The following LRRC4C variants were observed in gnomAD, a reference collection of about 807,000 sequenced individuals.
The protein encoded by LRRC4C is leucine-rich repeat-containing protein 4C.
In LRRC4C, 5 loss-of-function variants were observed where a neutral mutation model predicts 33.6. The observed-to-expected ratio is 0.15, with a 90% confidence interval of 0.08 to 0.31. LRRC4C has a LOEUF of 0.31. LRRC4C is among the 10% of genes least tolerant of loss of function. The pLI is 1.00. For missense variants in LRRC4C, 560 were observed against 796.7 expected (o/e 0.70, Z 3.58); for synonymous variants, 329 against 302.0 (o/e 1.09, Z -0.93).
At chr11:40,414,961 C>T (rs1348000) in intron 3 of LRRC4C, among the ~76,000 whole-genome samples, 55,255 of 151,942 alleles carry the variant, frequency 0.36, 10,662 homozygotes, top group South Asian at 0.47. Flanking sequence ...TCTAATTATA[C>T]ACATAAATAT....
chr11:40,451,112 A>C (rs1478564280), intron 3 of LRRC4C, among the ~76,000 whole-genome samples: 1 of 151,812 alleles, frequency 6.6e-6, no homozygotes, highest in African/African-American at 2.4e-5. Flanking sequence ...ACAATGAAAA[A>C]AAACCTAGAA....
At chr11:40,813,902 A>G (rs1237914250) in intron 2 of LRRC4C, among the ~76,000 whole-genome samples, 1 of 152,270 alleles carries the variant, frequency 6.6e-6, no homozygotes, top group African/African-American at 2.4e-5. Flanking sequence ...TCCATATCTC[A>G]TATCCAGGGC....
At chr11:40,524,954 G>A (rs1955977598) in intron 3 of LRRC4C, among the ~76,000 whole-genome samples, 1 of 152,154 alleles carries the variant, frequency 6.6e-6, no homozygotes, top group Admixed American at 6.5e-5. Context: ...TAAGTAGGTA[G>A]ATCAAGGAAG....
At chr11:40,477,241 G>A (rs1953283599) in intron 3 of LRRC4C, among the ~76,000 whole-genome samples, 1 of 152,086 alleles carries the variant, frequency 6.6e-6, no homozygotes, top group South Asian at 2.1e-4. Context: ...CCTTTTAAAT[G>A]GAAAGGAAGA....
chr11:40,645,825 G>A (rs1942418674), intron 3 of LRRC4C, among the ~76,000 whole-genome samples: 1 of 152,154 alleles, frequency 6.6e-6, no homozygotes, highest in South Asian at 2.1e-4. Context: ...CTCCTTAAAG[G>A]AAAGGTTCTT....
intron 1 of LRRC4C, among the ~76,000 whole-genome samples, chr11:41,016,433 A>G (rs1343482716): frequency 6.6e-6 from 1 of 152,228 alleles, no homozygotes; most frequent in Non-Finnish European, 1.5e-5. Context: ...AAGGAAGAGT[A>G]AAACAGATAA....
rs930414215 is a variant in LRRC4C at position 40,308,927 on chromosome 11, C to A, written c.-176+10701G>T. Among the ~76,000 whole-genome samples, 5 of 152,318 alleles carry A rather than the reference C, an allele frequency of 3.3e-5. No individual in the cohort carries two copies. In the East Asian group the frequency reaches 9.6e-4, roughly 29 times the overall value. On this transcript the variant is annotated intron_variant, in intron 4 of 6. Transcript: ENST00000528697. ...CATGCATATGAATCATCAGAATGGG[C>A]TGCACCATCCATATTTCTACCAACA...
At chr11:40,678,911 G>A (rs1944542450) in intron 2 of LRRC4C, among the ~76,000 whole-genome samples, 1 of 152,112 alleles carries the variant, frequency 6.6e-6, no homozygotes, top group Non-Finnish European at 1.5e-5. Context: ...AAGCAACTTT[G>A]GAACTGGGTA....
Position 40,551,064 on chromosome 11 carries a change from T to C in LRRC4C, c.-270+97078A>G, listed in dbSNP as rs989065167. Among the ~76,000 whole-genome samples the C allele has an allele frequency of 3.9e-5, 6 of 152,182 alleles. 1 individual carries two copies. Among genetic ancestry groups the C allele is most frequent in the African/African-American group, 1.4e-4 (6 of 41,542 alleles). On this transcript the variant is annotated intron_variant, in intron 3 of 6. Coordinates refer to ENST00000528697, the MANE Select transcript of LRRC4C (RefSeq NM_001258419.2). The stretch of plus-strand genomic sequence containing the variant: ...ATCCTAACACCTCTTCCCAGTCAGG[T>C]TTTCTTCCCCTTCAATCTATCTCAG...
At chr11:40,873,873 T>C (rs1954762770) in intron 2 of LRRC4C, among the ~76,000 whole-genome samples, 1 of 152,196 alleles carries the variant, frequency 6.6e-6, no homozygotes, top group African/African-American at 2.4e-5. Flanking sequence ...ATGTTTCTTA[T>C]GGTAAAAATC....
chr11:40,550,397 G>T (rs1166888069), intron 3 of LRRC4C, among the ~76,000 whole-genome samples: 1 of 152,046 alleles, frequency 6.6e-6, no homozygotes, highest in Non-Finnish European at 1.5e-5. Context: ...TGTAACTAAA[G>T]ATCATATTTC....
chr11:40,324,496 G>C lies in LRRC4C; in HGVS notation c.-269-4775C>G, dbSNP rs1282597480. On this transcript the variant is annotated intron_variant, in intron 3 of 6. Transcript: ENST00000528697. ...AAATGAAATGGGCAATGAAAGATTG[G>C]AATTAGCAGTGCTGTATCTGAGTTC... 2.6e-5 allele frequency among the ~76,000 whole-genome samples: 4 copies of C among 152,132 alleles called. No individual in the cohort carries two copies. In the East Asian group the frequency reaches 7.7e-4, roughly 29 times the overall value.
At chr11:41,286,520 A>C (rs1949832877) in intron 1 of LRRC4C, among the ~76,000 whole-genome samples, 1 of 152,220 alleles carries the variant, frequency 6.6e-6, no homozygotes. Flanking sequence ...TTCATCTTCC[A>C]GTGAGAGCTC....
At chr11:40,221,940 C>A (rs144746454) in intron 5 of LRRC4C, among the ~76,000 whole-genome samples, 1 of 152,218 alleles carries the variant, frequency 6.6e-6, no homozygotes, top group South Asian at 2.1e-4. Context: ...TCGTCGATGC[C>A]CTCGGCTGAA....
chr11:40,605,147 T>C (rs934411357), intron 3 of LRRC4C, among the ~76,000 whole-genome samples: 1 of 152,136 alleles, frequency 6.6e-6, no homozygotes, highest in Non-Finnish European at 1.5e-5. Flanking sequence ...GAGATTTAGA[T>C]ATAAGCAGGC....
intron 4 of LRRC4C, among the ~76,000 whole-genome samples, chr11:40,288,565 G>C (rs968313489): frequency 3.3e-5 from 5 of 152,296 alleles, no homozygotes; most frequent in African/African-American, 1.2e-4. Context: ...TGCTGCTGTA[G>C]AGAATGAAAT....
At chr11:41,000,214 T>A (rs986673547) in intron 1 of LRRC4C, among the ~76,000 whole-genome samples, 1 of 152,158 alleles carries the variant, frequency 6.6e-6, no homozygotes, top group Non-Finnish European at 1.5e-5. Context: ...GGGGCTTGAG[T>A]TCCAGGAATA....
chr11:40,937,846 C>G (rs1015510914), intron 1 of LRRC4C, among the ~76,000 whole-genome samples: 3 of 151,932 alleles, frequency 2.0e-5, no homozygotes, highest in Non-Finnish European at 4.4e-5. Context: ...TTTGTAGAGA[C>G]AGGGTCTCCC....
intron 4 of LRRC4C, among the ~76,000 whole-genome samples, chr11:40,313,599 C>CTTTT (rs60735627): frequency 1.4e-5 from 1 of 72,544 alleles, no homozygotes; most frequent in African/African-American, 6.5e-5. Flanking sequence ...AGGGGAAATT[C>CTTTT]TTTTTTTTTT....
Sources: allele counts gnomAD v4.1 joint callset (sites outside exome capture counted in the v4.1 genomes callset), GRCh38; gene constraint gnomAD v4.1.1; transcripts MANE v1.5; gene names NCBI Gene and HGNC (gene_info 2026-07-23, HGNC 2026-07-21).